ENTPD4: variants seen among roughly 807,000 people sequenced by gnomAD.
The protein encoded by ENTPD4 is Golgi UDPase.
Under a neutral mutation model 79.1 loss-of-function variants are expected in ENTPD4, and 60 were observed. That is an observed-to-expected ratio of 0.76 (90% CI 0.62 to 0.94). The LOEUF is 0.94. Ranked by LOEUF, ENTPD4 falls within the 40% of genes least tolerant of loss-of-function variation. The pLI is 0.00. For missense variants in ENTPD4, 772 were observed against 775.1 expected, an observed-to-expected ratio of 1.00 and a Z score of 0.05; for synonymous variants, 276 against 292.0, an observed-to-expected ratio of 0.95 and a Z score of 0.56.
Position 23,429,779 on chromosome 8 carries a change from C to T in ENTPD4, c.*3147G>A. On this transcript the variant is annotated 3_prime_UTR_variant, in exon 13 of 13. Coordinates refer to ENST00000358689, the MANE Select transcript of ENTPD4 (RefSeq NM_004901.5). ...CTCAGCCACCAGCAGCGTCTTCACT[C>T]CGCCCAGGTCAGAAAGCACTGCCTA... is the stretch of plus-strand genomic sequence containing the variant. 5.1e-6 allele frequency: 5 copies of T among 985,478 alleles called. No individual in the cohort carries two copies. The highest frequency in any genetic ancestry group is 6.0e-6 in the Non-Finnish European group (5 of 829,936). 61.0% of individuals were successfully genotyped at this position (985,478 alleles called of 1,614,324 possible). A position where few individuals can be genotyped will look rare whatever the true frequency, so the allele number is the denominator to read the frequency against.
intron 11 of ENTPD4, 146 bp from the exon 12 acceptor site, chr8:23,434,624 G>T (rs942967011): frequency 6.9e-7 from 1 of 1,454,362 alleles, no homozygotes; most frequent in Non-Finnish European, 9.1e-7. Flanking sequence ...AACTGCGCGC[G>T]TTTCAAGGTT....
chr8:23,451,386 T>C (rs36099859), intron 1 of ENTPD4, among the ~76,000 whole-genome samples: 4,154 of 152,302 alleles, frequency 0.027, 79 homozygotes, highest in Middle Eastern at 0.075. Context: ...TCCCTTTCCT[T>C]ATCATCTTTG....
Position 23,432,317 on chromosome 8 carries a change from A to G in ENTPD4, c.*609T>C. ...AGAATGCATCTTTCCACCTCCCTCC[A>G]GTATCAAAGTGCATGTGTTTAAATT... On this transcript the variant is annotated 3_prime_UTR_variant, in exon 13 of 13. Transcript: ENST00000358689. 1 of 985,456 alleles carries G rather than the reference A, an allele frequency of 1.0e-6. No homozygotes were observed. 61.0% of individuals were successfully genotyped at this position (985,456 alleles called of 1,614,324 possible).
In ENTPD4 at chr8:23,444,641, T is replaced by C. The variant is rs764046137; in HGVS notation, c.413-35A>G. Reference sequence around the variant, plus strand: ...CAGGATACTTTAGTTAAGAAGCAGATATTTTAGCTATAACATGTGATGTTT... The same window carrying C: ...CAGGATACTTTAGTTAAGAAGCAGACATTTTAGCTATAACATGTGATGTTT... On this transcript the variant is annotated intron_variant, in intron 4 of 12. Transcript: ENST00000358689. 7 of 1,595,616 alleles carry C rather than the reference T, an allele frequency of 4.4e-6. No individual in the cohort carries two copies. In the South Asian group the frequency reaches 5.5e-5, roughly 13 times the overall value.
intron 5 of ENTPD4, 53 bp from the exon 6 acceptor site, chr8:23,444,006 C>T: frequency 2.4e-6 from 3 of 1,261,498 alleles, no homozygotes; most frequent in Non-Finnish European, 2.3e-6. Context: ...TTGGTATCTT[C>T]TGTTTAGAAA....
chr8:23,435,249 C>A, intron 11 of ENTPD4, 143 bp downstream of exon 11: 2 of 617,278 alleles, frequency 3.2e-6, no homozygotes, highest in Non-Finnish European at 5.8e-6. Context: ...AAGTATTTGT[C>A]CCGTTTGAAA....
At chr8:23,443,431 T>C (rs1043116099) in intron 6 of ENTPD4, among the ~76,000 whole-genome samples, 26 of 152,230 alleles carry the variant, frequency 1.7e-4, no homozygotes, top group African/African-American at 5.8e-4. Context: ...AATAATTTCA[T>C]TGACTTGACA....
rs1585399772 is a variant in ENTPD4, at chr8:23,434,198, T to A, written c.1622+119A>T. 3.0e-6 allele frequency: 4 copies of A among 1,348,660 alleles called. No homozygotes were observed. In the East Asian group the frequency reaches 9.2e-5, roughly 31 times the overall value. The allele number at this position is 1,348,660 out of a possible 1,614,324, so 83.5% of individuals were successfully genotyped here. Reference sequence around the variant, plus strand: ...AAGCAAACGTCACTGTCCCTACAATTCTGCCGTGGCCGGCTCTAACAGCAA... The same window carrying A: ...AAGCAAACGTCACTGTCCCTACAATACTGCCGTGGCCGGCTCTAACAGCAA... On this transcript the variant is annotated intron_variant, in intron 12 of 12. Transcript: ENST00000358689.
intron 9 of ENTPD4, 135 bp downstream of exon 9, chr8:23,439,614 G>C: frequency 2.5e-6 from 2 of 788,520 alleles, no homozygotes; most frequent in Non-Finnish European, 4.2e-6. Context: ...TCCCTGCTCA[G>C]CTAGTGGGGG....
At chr8:23,438,343 G>T (rs542707084) in intron 9 of ENTPD4, among the ~76,000 whole-genome samples, 2 of 152,304 alleles carry the variant, frequency 1.3e-5, no homozygotes, top group African/African-American at 4.8e-5. Flanking sequence ...GTATTCCTCA[G>T]ATCAGGGTTA....
At chr8:23,451,114 C>T (rs1377020880) in intron 1 of ENTPD4, among the ~76,000 whole-genome samples, 1 of 151,588 alleles carries the variant, frequency 6.6e-6, no homozygotes, top group Non-Finnish European at 1.5e-5. Context: ...AACCTCCTCC[C>T]AGGTTAAAGC....
chr8:23,441,431 C>T (rs1291427644), intron 8 of ENTPD4, 138 bp downstream of exon 8: 1 of 1,476,922 alleles, frequency 6.8e-7, no homozygotes, highest in Non-Finnish European at 9.0e-7. Context: ...CGTCCTGTCT[C>T]CTTTCTCCTG....
In ENTPD4 at chr8:23,439,872, C is replaced by T; in HGVS notation, c.926G>A (p.Cys309Tyr). The change falls in exon 9 of 13, where the codon TGT becomes TAT. Residue 309 changes from cysteine (C) to tyrosine (Y), a missense_variant. Cys to Tyr is a radical substitution (Grantham distance 194). Coordinates refer to ENST00000358689, the MANE Select transcript of ENTPD4 (RefSeq NM_004901.5). ...CACATGCTCAGTTTGGTGAACATCA[C>T]ATCCCAAGTTAAATTCAGCTAACAA... ...KNLLAEFNLGCDVHQTEHVYR... is the reference protein window; with the variant it reads ...KNLLAEFNLGYDVHQTEHVYR... The T allele has an allele frequency of 1.2e-6, 2 of 1,614,164 alleles. No homozygotes were observed. The highest frequency in any genetic ancestry group is 1.7e-6 in the Non-Finnish European group (2 of 1,179,978).
chr8:23,434,671 G>A, intron 11 of ENTPD4, 193 bp from the exon 12 acceptor site: 1 of 1,420,624 alleles, frequency 7.0e-7, no homozygotes, highest in Non-Finnish European at 9.2e-7. Context: ...CCACAACATG[G>A]AGCAGTTCAC....
chr8:23,441,330 G>T (rs982289499), intron 8 of ENTPD4: 1 of 705,396 alleles, frequency 1.4e-6, no homozygotes, highest in African/African-American at 1.9e-5. Flanking sequence ...ATGCGACTGC[G>T]TATATACCAA....
At chr8:23,439,099 A>G (rs910620124) in intron 9 of ENTPD4, among the ~76,000 whole-genome samples, 1 of 152,226 alleles carries the variant, frequency 6.6e-6, no homozygotes, top group Non-Finnish European at 1.5e-5. Context: ...TTTCAAATAA[A>G]TAAGTGCTAT....
At chr8:23,444,414 C>A in intron 5 of ENTPD4, 42 bp downstream of exon 5, 3 of 1,590,720 alleles carry the variant, frequency 1.9e-6, no homozygotes, top group Non-Finnish European at 2.6e-6. Flanking sequence ...CCTCTCCCCT[C>A]CAGGAACCCA....
intron 12 of ENTPD4, 142 bp downstream of exon 12, chr8:23,434,175 G>T: frequency 8.7e-7 from 1 of 1,146,238 alleles, no homozygotes; most frequent in Admixed American, 2.2e-5. Flanking sequence ...AAGACCAAAA[G>T]CAAACGTCAC....
At chr8:23,441,839 ACTC>A (rs1392848824) in intron 7 of ENTPD4, 116 bp from the exon 8 acceptor site, 29 of 1,230,592 alleles carry the variant, frequency 2.4e-5, no homozygotes, top group Non-Finnish European at 2.6e-5. Flanking sequence ...AACCCAGTCT[ACTC>A]CTCCCAACTA....
Sources: allele counts gnomAD v4.1 joint callset (sites outside exome capture counted in the v4.1 genomes callset), GRCh38; gene constraint gnomAD v4.1.1; transcripts MANE v1.5; gene names NCBI Gene and HGNC (gene_info 2026-07-23, HGNC 2026-07-21).